Variants in GSG1L observed in about 807,000 individuals in gnomAD.
GSG1L encodes germ cell-specific gene 1-like protein.
Under a neutral mutation model 42.1 loss-of-function variants are expected in GSG1L, and 24 were observed. The ratio of observed to expected loss-of-function variants is 0.57; its 90% confidence interval spans 0.41 to 0.80. The LOEUF is 0.80. GSG1L is among the 30% of genes least tolerant of loss of function. GSG1L has a pLI of 0.00. For missense variants in GSG1L, 445 were observed against 472.2 expected, an observed-to-expected ratio of 0.94 and a Z score of 0.53; for synonymous variants, 215 against 203.5, an observed-to-expected ratio of 1.06 and a Z score of -0.48.
At chr16:27,931,337 C>T (rs889541740) in intron 2 of GSG1L, among the ~76,000 whole-genome samples, 1 of 152,192 alleles carries the variant, frequency 6.6e-6, no homozygotes, top group Non-Finnish European at 1.5e-5. Flanking sequence ...GCCCACCGTG[C>T]TCAAACGGCT....
At chr16:27,966,886 G>C (rs1015160876) in intron 1 of GSG1L, among the ~76,000 whole-genome samples, 4 of 152,190 alleles carry the variant, frequency 2.6e-5, no homozygotes, top group Non-Finnish European at 5.9e-5. Flanking sequence ...ATCCCACACA[G>C]CAACAATCAC....
chr16:28,042,364 G>A (rs757343060), intron 1 of GSG1L, among the ~76,000 whole-genome samples: 14 of 151,632 alleles, frequency 9.2e-5, no homozygotes, highest in Non-Finnish European at 1.5e-4. Flanking sequence ...TGAACCCGGG[G>A]GGCGGAGGTT....
intron 1 of GSG1L, among the ~76,000 whole-genome samples, chr16:27,963,428 T>C (rs1233970295): frequency 6.6e-6 from 1 of 151,998 alleles, no homozygotes; most frequent in African/African-American, 2.4e-5. Flanking sequence ...GCCCATCGCT[T>C]CCACCTCCAC....
At chr16:27,948,908 C>CTATTATTAT (rs372937677) in intron 2 of GSG1L, among the ~76,000 whole-genome samples, 8,993 of 141,294 alleles carry the variant, frequency 0.064, 326 homozygotes, top group Middle Eastern at 0.099. Flanking sequence ...CGCACCTGAT[C>CTATTATTAT]TATTATTATT....
chr16:28,045,665 G>C (rs936676066), intron 1 of GSG1L, among the ~76,000 whole-genome samples: 1 of 151,590 alleles, frequency 6.6e-6, no homozygotes, highest in African/African-American at 2.4e-5. Context: ...CAACAAGAAC[G>C]AAACTCCATC....
intron 6 of GSG1L, among the ~76,000 whole-genome samples, chr16:27,799,912 T>C (rs1198593199): frequency 1.3e-5 from 2 of 152,142 alleles, no homozygotes; most frequent in Non-Finnish European, 2.9e-5. Context: ...GGCCGAGGGT[T>C]GAGGACAACT....
At chr16:27,943,797 A>G (rs1222286308) in intron 2 of GSG1L, among the ~76,000 whole-genome samples, 1 of 151,944 alleles carries the variant, frequency 6.6e-6, no homozygotes, top group Non-Finnish European at 1.5e-5. Context: ...GATGGTCTCA[A>G]ACTCCTGGCC....
chr16:27,854,348 A>G (rs1444577147), intron 3 of GSG1L, among the ~76,000 whole-genome samples: 2 of 99,098 alleles, frequency 2.0e-5, no homozygotes, highest in Non-Finnish European at 3.9e-5. Context: ...AGGGGGACGG[A>G]AGGAGGAGGA....
chr16:27,791,752 G>A (rs550910903), intron 6 of GSG1L, among the ~76,000 whole-genome samples: 1 of 151,820 alleles, frequency 6.6e-6, no homozygotes, highest in South Asian at 2.1e-4. Flanking sequence ...ATGTATCCAC[G>A]ACTCTGCTCA....
At chr16:28,009,365 C>T (rs2085687217) in intron 1 of GSG1L, among the ~76,000 whole-genome samples, 1 of 152,086 alleles carries the variant, frequency 6.6e-6, no homozygotes, top group African/African-American at 2.4e-5. Flanking sequence ...AATAGCACCC[C>T]TGCCCCCCCT....
At chr16:27,799,038 G>A (rs1018804734) in intron 6 of GSG1L, among the ~76,000 whole-genome samples, 9 of 152,154 alleles carry the variant, frequency 5.9e-5, no homozygotes, top group African/African-American at 2.2e-4. Flanking sequence ...CCCTGGGGAT[G>A]TCACAGTGAA....
At chr16:27,904,792 G>A (rs2084301072) in intron 2 of GSG1L, among the ~76,000 whole-genome samples, 1 of 152,164 alleles carries the variant, frequency 6.6e-6, no homozygotes, top group African/African-American at 2.4e-5. Flanking sequence ...CTTAAGGAAA[G>A]GTACAAGCAC....
intron 2 of GSG1L, among the ~76,000 whole-genome samples, chr16:27,891,923 T>C: frequency 8.3e-6 from 1 of 120,282 alleles, no homozygotes; most frequent in African/African-American, 2.8e-5. Flanking sequence ...CAAGGGACTC[T>C]GATTTCCAGT....
intron 1 of GSG1L, among the ~76,000 whole-genome samples, chr16:27,965,844 C>T (rs2085126153): frequency 6.6e-6 from 1 of 152,198 alleles, no homozygotes; most frequent in Non-Finnish European, 1.5e-5. Flanking sequence ...TAACCTAAAA[C>T]AGATTATGTC....
chr16:27,878,754 T>C (rs1407017022), intron 3 of GSG1L, among the ~76,000 whole-genome samples: 1 of 152,178 alleles, frequency 6.6e-6, no homozygotes, highest in Non-Finnish European at 1.5e-5. Flanking sequence ...GAAAAACTTA[T>C]CCAAACACTT....
intron 2 of GSG1L, among the ~76,000 whole-genome samples, chr16:27,949,216 TATC>T (rs139166001): frequency 5.3e-5 from 8 of 151,932 alleles, no homozygotes; most frequent in South Asian, 2.1e-4. Context: ...GCCACTACTC[TATC>T]ATCATTATTA....
chr16:28,063,515 G>T lies in GSG1L; in HGVS notation c.-91C>A, dbSNP rs1399164317. Reference sequence around the variant, plus strand: ...CGCCCCGCGTCAGCGGCCGCTGCCCGCCGCGCCCCGGGGCTCGGGTGCCTG... The same window carrying T: ...CGCCCCGCGTCAGCGGCCGCTGCCCTCCGCGCCCCGGGGCTCGGGTGCCTG... On this transcript the variant is annotated 5_prime_UTR_variant, in exon 1 of 7. Coordinates refer to ENST00000447459, the MANE Select transcript of GSG1L (RefSeq NM_001109763.2). This position sits in a 1 kb window ranked among gnomAD's most constrained non-coding sequence, Gnocchi z 5.8. The T allele has an allele frequency of 7.3e-6, 6 of 822,084 alleles. No individual in the cohort carries two copies. The highest frequency in any genetic ancestry group is 3.7e-5 in the African/African-American group (2 of 54,130). The allele number at this position is 822,084 out of a possible 1,614,324, so 50.9% of individuals were successfully genotyped here.
intron 1 of GSG1L, among the ~76,000 whole-genome samples, chr16:28,046,016 A>G (rs1261554285): frequency 2.0e-5 from 3 of 152,188 alleles, no homozygotes; most frequent in African/African-American, 7.2e-5. Flanking sequence ...AAAATTAAAT[A>G]AAAATTAAAG....
At chr16:27,918,438 A>T (rs1567518191) in intron 2 of GSG1L, among the ~76,000 whole-genome samples, 1 of 152,148 alleles carries the variant, frequency 6.6e-6, no homozygotes, top group Non-Finnish European at 1.5e-5. Flanking sequence ...CAGGTGGATC[A>T]TTTGAGGTCA....
Sources: allele counts gnomAD v4.1 joint callset (sites outside exome capture counted in the v4.1 genomes callset), GRCh38; gene constraint gnomAD v4.1.1; non-coding constraint Gnocchi (gnomAD v3.1); transcripts MANE v1.5; gene names NCBI Gene and HGNC (gene_info 2026-07-23, HGNC 2026-07-21).